SCARB1: variants seen among roughly 807,000 people sequenced by gnomAD.
SCARB1 encodes scavenger receptor class B member 1, also known as CD36 and LIMPII analogous 1.
SCARB1 carries 30 observed loss-of-function variants against 57.2 expected under a neutral mutation model. The observed-to-expected ratio is 0.52, with a 90% confidence interval of 0.39 to 0.71. SCARB1 has a LOEUF of 0.71. SCARB1 is among the 30% of genes least tolerant of loss of function. The pLI is 0.00. For synonymous variants in SCARB1, 249 were observed against 268.3 expected, an observed-to-expected ratio of 0.93 and a Z score of 0.70; for missense variants, 543 against 671.2, an observed-to-expected ratio of 0.81 and a Z score of 2.11.
At chr12:124,830,404 C>T (rs908707385) in intron 1 of SCARB1, among the ~76,000 whole-genome samples, 1 of 152,162 alleles carries the variant, frequency 6.6e-6, no homozygotes, top group African/African-American at 2.4e-5. Flanking sequence ...AGCAGCCGTA[C>T]CCATAACAGC....
Position 124,863,786 on chromosome 12 carries a change from GAC to G in SCARB1, c.-68_-67del. 1.4e-6 allele frequency: 2 copies of G among 1,386,082 alleles called. No homozygotes were observed. Among genetic ancestry groups the G allele is most frequent in the East Asian group, 6.0e-5 (2 of 33,522 alleles). 85.9% of individuals were successfully genotyped at this position (1,386,082 alleles called of 1,614,324 possible). A position where few individuals can be genotyped will look rare whatever the true frequency, so the allele number is the denominator to read the frequency against. On this transcript the variant is annotated 5_prime_UTR_variant, in exon 1 of 13. Transcript: ENST00000261693. ...GCGCCTGGCAGGAGACGGGGACGGC[GAC>G]AGAGACGACACAGGCGGGGACTCCG...
chr12:124,848,778 T>C (rs1269736233), intron 1 of SCARB1, among the ~76,000 whole-genome samples: 2 of 152,138 alleles, frequency 1.3e-5, no homozygotes, highest in Non-Finnish European at 2.9e-5. Flanking sequence ...AATCAGAGCG[T>C]GATCATCACC....
rs779498997 is a variant in SCARB1, at chr12:124,810,217, T to A, written c.799A>T (p.Thr267Ser). 2.5e-6 allele frequency: 4 copies of A among 1,613,210 alleles called. No individual in the cohort carries two copies. Among genetic ancestry groups the A allele is most frequent in the Non-Finnish European group, 3.4e-6 (4 of 1,179,840 alleles). ...TSGQMWPPFM[T>S]PESSLEFYSP... ...TAGAACTCCAGCGAGGACTCAGGAG[T>A]CATGAAGGGCGGCCACATTTGCCCA... The change falls in exon 6 of 13, where the codon ACT becomes TCT. Residue 267 changes from threonine (T) to serine (S), a missense_variant. Thr to Ser is a moderately conservative substitution (Grantham distance 58). Coordinates refer to ENST00000261693, the MANE Select transcript of SCARB1 (RefSeq NM_005505.5). The surrounding 1 kb of genome is among the most constrained non-coding windows in gnomAD (Gnocchi z 4.0).
intron 1 of SCARB1, among the ~76,000 whole-genome samples, chr12:124,819,842 C>T (rs1292015639): frequency 2.0e-5 from 3 of 152,250 alleles, no homozygotes; most frequent in Non-Finnish European, 2.9e-5. Flanking sequence ...GGGTCGCACT[C>T]CACGGGGCCA....
chr12:124,800,005 G>C lies in SCARB1; in HGVS notation c.1128+119C>G. The C allele has an allele frequency of 1.3e-6, 1 of 795,582 alleles. No individual in the cohort carries two copies. Among genetic ancestry groups the C allele is most frequent in the Non-Finnish European group, 2.2e-6 (1 of 450,082 alleles). The allele number at this position is 795,582 out of a possible 1,614,324, so 49.3% of individuals were successfully genotyped here. ...GGAACTTTGGTGGCTCGAGATTCTA[G>C]AAGCCAGGCTTCCCACCACCCCAGC... On this transcript the variant is annotated intron_variant, in intron 8 of 12. Coordinates refer to ENST00000261693, the MANE Select transcript of SCARB1 (RefSeq NM_005505.5). This position sits in a 1 kb window ranked among gnomAD's most constrained non-coding sequence, Gnocchi z 4.8.
intron 1 of SCARB1, among the ~76,000 whole-genome samples, chr12:124,842,777 A>G (rs1411984886): frequency 1.3e-5 from 2 of 152,192 alleles, no homozygotes; most frequent in Non-Finnish European, 2.9e-5. Flanking sequence ...TGGGAAACAC[A>G]GCCCTGTCCT....
chr12:124,822,626 T>G lies in SCARB1; in HGVS notation c.127-4919A>C, dbSNP rs1950991562. On this transcript the variant is annotated intron_variant, in intron 1 of 12. Transcript: ENST00000261693. The surrounding 1 kb of genome is among the most constrained non-coding windows in gnomAD (Gnocchi z 5.0). ...TAGGCCAGGCATGGTGGCTCACGCC[T>G]GTAATCCAAGGACTTTGGGAGGCCA... is the stretch of plus-strand genomic sequence containing the variant. Among the ~76,000 whole-genome samples, 1 of 152,232 alleles carries G rather than the reference T, an allele frequency of 6.6e-6. No individual in the cohort carries two copies. Among genetic ancestry groups the G allele is most frequent in the Admixed American group, 6.5e-5 (1 of 15,284 alleles).
chr12:124,850,995 G>A (rs1233097306), intron 1 of SCARB1, among the ~76,000 whole-genome samples: 1 of 152,202 alleles, frequency 6.6e-6, no homozygotes. Flanking sequence ...CAAATGGGCA[G>A]GCGACCCAAG....
intron 1 of SCARB1, among the ~76,000 whole-genome samples, chr12:124,833,670 C>T (rs1224470677): frequency 6.6e-6 from 1 of 152,134 alleles, no homozygotes; most frequent in Admixed American, 6.5e-5. Context: ...CACCCCTGCA[C>T]CAGGGAGTGT....
intron 1 of SCARB1, among the ~76,000 whole-genome samples, chr12:124,854,577 G>GGTGC (rs1412486985): frequency 6.6e-5 from 10 of 152,194 alleles, no homozygotes; most frequent in Non-Finnish European, 1.5e-4. Context: ...GAGAGGTGAT[G>GGTGC]GTGCCTTGGA....
In SCARB1 at chr12:124,856,217, T is replaced by C. The variant is rs1013850674; in HGVS notation, c.126+7378A>G. 9.8e-5 allele frequency among the ~76,000 whole-genome samples: 15 copies of C among 152,366 alleles called. 2 individuals carry two copies. Among genetic ancestry groups the C allele is most frequent in the Admixed American group, 9.8e-4 (15 of 15,310 alleles). On this transcript the variant is annotated intron_variant, in intron 1 of 12. Coordinates refer to ENST00000261693, the MANE Select transcript of SCARB1 (RefSeq NM_005505.5). ...GGACATGCATAAACACGTGTGTTCA[T>C]GTGTGTCCATTTGCATGTACAGACA...
In SCARB1 at chr12:124,830,979, A is replaced by ATTTT. The variant is rs34543026; in HGVS notation, c.127-13276_127-13273dup. Among the ~76,000 whole-genome samples, 82 of 137,938 alleles carry ATTTT rather than the reference A, an allele frequency of 5.9e-4. 3 individuals carry two copies. The highest frequency in any genetic ancestry group is 2.2e-3 in the African/African-American group (81 of 36,154). The allele number at this position is 137,938 out of a possible 152,430, so 90.5% of individuals were successfully genotyped here. A position where few individuals can be genotyped will look rare whatever the true frequency, so the allele number is the denominator to read the frequency against. On this transcript the variant is annotated intron_variant, in intron 1 of 12. Transcript: ENST00000261693. Reference sequence around the variant, plus strand: ...AGGCATACGCCACCATGCCCAGCTGATTTTTTTTTTTTTTTAGACGGAGTT... The same window carrying ATTTT: ...AGGCATACGCCACCATGCCCAGCTGATTTTTTTTTTTTTTTTTTTAGACGGAGTT...
In SCARB1 at chr12:124,800,902, G is replaced by A. The variant is rs1018698687; in HGVS notation, c.1010-660C>T. ...GACAAGTTAACAAGGAACAGCGAGC[G>A]GGCCTCTCTCAAAAGCTCACGAGGG... On this transcript the variant is annotated intron_variant, in intron 7 of 12. Coordinates refer to ENST00000261693, the MANE Select transcript of SCARB1 (RefSeq NM_005505.5). This position sits in a 1 kb window ranked among gnomAD's most constrained non-coding sequence, Gnocchi z 4.8. Among the ~76,000 whole-genome samples the A allele has an allele frequency of 1.3e-5, 2 of 152,146 alleles. No individual in the cohort carries two copies. The highest frequency in any genetic ancestry group is 2.4e-5 in the African/African-American group (1 of 41,418).
chr12:124,851,670 C>T (rs1391627908), intron 1 of SCARB1, among the ~76,000 whole-genome samples: 1 of 147,790 alleles, frequency 6.8e-6, no homozygotes. Context: ...TGCAGTGGCG[C>T]GATCTCAGCT....
chr12:124,801,848 A>G (rs1314956728), intron 7 of SCARB1, among the ~76,000 whole-genome samples: 1 of 151,410 alleles, frequency 6.6e-6, no homozygotes, highest in African/African-American at 2.4e-5. Flanking sequence ...TGTGTCTCAA[A>G]AAAAATAAAA....
chr12:124,793,404 T>C (rs1029526238), intron 9 of SCARB1, among the ~76,000 whole-genome samples: 3 of 82,070 alleles, frequency 3.7e-5, no homozygotes, highest in African/African-American at 1.6e-4. Flanking sequence ...CTGCTAAGAA[T>C]GGGGATGGGG....
chr12:124,819,153 G>C (rs1441351347), intron 1 of SCARB1, among the ~76,000 whole-genome samples: 2 of 150,526 alleles, frequency 1.3e-5, no homozygotes, highest in Non-Finnish European at 3.0e-5. Context: ...AGAAAAGAAA[G>C]AAAGAAAAAG....
rs1016209948 is a variant in SCARB1 at position 124,812,124 on chromosome 12, G to A, written c.631-159C>T. Among the ~76,000 whole-genome samples, 1 of 152,204 alleles carries A rather than the reference G, an allele frequency of 6.6e-6. No homozygotes were observed. The highest frequency in any genetic ancestry group is 2.4e-5 in the African/African-American group (1 of 41,432). On this transcript the variant is annotated intron_variant, in intron 4 of 12. Transcript: ENST00000261693. This position sits in a 1 kb window ranked among gnomAD's most constrained non-coding sequence, Gnocchi z 4.3. Reference sequence around the variant, plus strand: ...AATGCCCAGTGTCTGGGGACCGAGAGGAGGCTTGGGAGCTTTCTAGGAGGA... The same window carrying A: ...AATGCCCAGTGTCTGGGGACCGAGAAGAGGCTTGGGAGCTTTCTAGGAGGA...
chr12:124,795,330 C>T, intron 8 of SCARB1, 62 bp from the exon 9 acceptor site: 1 of 1,339,754 alleles, frequency 7.5e-7, no homozygotes, highest in Non-Finnish European at 1.1e-6. Flanking sequence ...ACCGTCAACC[C>T]TCCTCTCCCT....
Sources: allele counts gnomAD v4.1 joint callset (sites outside exome capture counted in the v4.1 genomes callset), GRCh38; gene constraint gnomAD v4.1.1; non-coding constraint Gnocchi (gnomAD v3.1); transcripts MANE v1.5; gene names NCBI Gene and HGNC (gene_info 2026-07-23, HGNC 2026-07-21).